Variants in RABGAP1 observed in about 807,000 individuals in gnomAD.
The protein encoded by RABGAP1 is rab GTPase-activating protein 1.
A neutral mutation model predicts 137.6 loss-of-function variants in RABGAP1; 23 were observed. The observed-to-expected ratio is 0.17, with a 90% CI of 0.12 to 0.24. The LOEUF (loss-of-function observed/expected upper bound fraction) is 0.24, where lower values mean the gene tolerates loss of function less well. Ranked by LOEUF, RABGAP1 falls within the 10% of genes least tolerant of loss-of-function variation. The probability of loss-of-function intolerance (pLI) is 1.00; values close to 1 mark genes in which losing one functional copy is unlikely to be tolerated. For synonymous variants in RABGAP1, 451 were observed against 450.7 expected (o/e 1.00, Z -0.01); for missense variants, 906 against 1,275.8 (o/e 0.71, Z 4.42).
rs570097662 is a variant in RABGAP1, at chr9:123,046,717, G to T, written c.1795-18631G>T. 1.4e-3 allele frequency among the ~76,000 whole-genome samples: 209 copies of T among 152,300 alleles called. 1 individual carries two copies. Among genetic ancestry groups the T allele is most frequent in the Middle Eastern group, 0.014 (4 of 294 alleles). On this transcript the variant is annotated intron_variant, in intron 13 of 25. Coordinates refer to ENST00000373647, the MANE Select transcript of RABGAP1 (RefSeq NM_012197.4). The stretch of plus-strand genomic sequence containing the variant: ...ATAGGGTAGTATGGATGAAGCAGAA[G>T]TTTTAAGTTGAGATATAAGGGAGAA...
At chr9:122,940,353 G>C (rs994539989), upstream of RABGAP1, 5 of 152,076 alleles carry the variant, frequency 3.3e-5, no homozygotes, top group Admixed American at 2.0e-4. Flanking sequence ...GTCCATTTCT[G>C]TCCTCTTGTG....
chr9:122,966,454 C>CG (rs1564365318), intron 2 of RABGAP1, among the ~76,000 whole-genome samples: 1 of 151,892 alleles, frequency 6.6e-6, no homozygotes, highest in Non-Finnish European at 1.5e-5. Flanking sequence ...ACCCGGGAGG[C>CG]GGAGGTTGCA....
intron 10 of RABGAP1, among the ~76,000 whole-genome samples, chr9:123,000,717 T>C (rs1837280460): frequency 6.6e-6 from 1 of 152,176 alleles, no homozygotes; most frequent in African/African-American, 2.4e-5. Flanking sequence ...ATTTGCCATG[T>C]TGTCCAGGCT....
intron 11 of RABGAP1, among the ~76,000 whole-genome samples, chr9:123,011,893 TG>T (rs2030840991): frequency 6.6e-6 from 1 of 152,192 alleles, no homozygotes; most frequent in South Asian, 2.1e-4. Context: ...AGGTGGAGGT[TG>T]CAGTGAGCCA....
At chr9:122,972,152 A>T (rs753381487) in intron 2 of RABGAP1, among the ~76,000 whole-genome samples, 1 of 152,068 alleles carries the variant, frequency 6.6e-6, no homozygotes. Context: ...ACCTCTGCCC[A>T]TTGTAGTGGC....
chr9:123,008,645 A>G (rs1332608184), intron 10 of RABGAP1, among the ~76,000 whole-genome samples: 1 of 152,158 alleles, frequency 6.6e-6, no homozygotes, highest in South Asian at 2.1e-4. Context: ...CAAAAATTTT[A>G]AATTCTCTTT....
At chr9:123,020,728 C>G (rs1474848295) in intron 13 of RABGAP1, among the ~76,000 whole-genome samples, 1 of 152,064 alleles carries the variant, frequency 6.6e-6, no homozygotes, top group Non-Finnish European at 1.5e-5. Flanking sequence ...CATTTTTAGT[C>G]AAACAACTTG....
At chr9:123,102,225 C>G (rs901219854) in intron 25 of RABGAP1, among the ~76,000 whole-genome samples, 3 of 152,182 alleles carry the variant, frequency 2.0e-5, no homozygotes, top group African/African-American at 7.2e-5. Context: ...CTTCCAGTTC[C>G]CACCACTTAA....
the RABGAP1 span, among the ~76,000 whole-genome samples, chr9:122,935,451 C>T: frequency 6.6e-6 from 1 of 152,102 alleles, no homozygotes; most frequent in Non-Finnish European, 1.5e-5. Flanking sequence ...GATTCTCCTG[C>T]CTCAGCCTCC....
intron 13 of RABGAP1, among the ~76,000 whole-genome samples, chr9:123,045,615 C>T (rs2033169703): frequency 6.6e-6 from 1 of 152,152 alleles, no homozygotes; most frequent in Non-Finnish European, 1.5e-5. Flanking sequence ...GAAGGATCTT[C>T]ATCTTTGAAT....
chr9:123,045,514 T>C (rs2033165723), intron 13 of RABGAP1, among the ~76,000 whole-genome samples: 1 of 152,220 alleles, frequency 6.6e-6, no homozygotes, highest in Non-Finnish European at 1.5e-5. Context: ...ATGTGTATTG[T>C]AGCCTATAGA....
At chr9:123,052,907 TCCAG>T (rs2033549568) in intron 13 of RABGAP1, among the ~76,000 whole-genome samples, 1 of 152,206 alleles carries the variant, frequency 6.6e-6, no homozygotes, top group African/African-American at 2.4e-5. Context: ...GCCACTGCAC[TCCAG>T]CCTGGGCAAC....
chr9:122,998,797 G>C, intron 10 of RABGAP1, 31 bp downstream of exon 10: 1 of 1,411,570 alleles, frequency 7.1e-7, no homozygotes, highest in Non-Finnish European at 9.7e-7. Context: ...TATAGAAGGG[G>C]GAATAAGAAA....
At chr9:123,084,556 T>C (rs1164025630) in intron 19 of RABGAP1, among the ~76,000 whole-genome samples, 9 of 152,230 alleles carry the variant, frequency 5.9e-5, no homozygotes, top group Non-Finnish European at 1.2e-4. Context: ...AGCCAAACTT[T>C]GAAAGCAGCT....
chr9:122,986,792 TTATTAAA>T (rs1380836219), intron 4 of RABGAP1, among the ~76,000 whole-genome samples: 1 of 152,144 alleles, frequency 6.6e-6, no homozygotes, highest in Admixed American at 6.5e-5. Context: ...CAAAAATTTA[TTATTAAA>T]TATTAACTAT....
chr9:122,965,791 G>A (rs933135322), intron 2 of RABGAP1, among the ~76,000 whole-genome samples: 1 of 152,204 alleles, frequency 6.6e-6, no homozygotes, highest in African/African-American at 2.4e-5. Flanking sequence ...TGAATGAATT[G>A]TGTGGTTTAT....
intron 12 of RABGAP1, among the ~76,000 whole-genome samples, chr9:123,015,896 A>T (rs1039444016): frequency 7.2e-5 from 11 of 152,174 alleles, no homozygotes; most frequent in African/African-American, 2.7e-4. Context: ...TAAATAAGAA[A>T]AGTATCTTTT....
chr9:123,019,388 C>T (rs944450035), intron 12 of RABGAP1, among the ~76,000 whole-genome samples: 5 of 151,702 alleles, frequency 3.3e-5, no homozygotes, highest in Admixed American at 6.6e-5. Context: ...TGCAGTGGTG[C>T]GGTCTCTCAC....
At chr9:123,022,523 C>CAAAAAAAAAAAAAAATAAATAA (rs1554719431) in intron 13 of RABGAP1, among the ~76,000 whole-genome samples, 2 of 152,030 alleles carry the variant, frequency 1.3e-5, no homozygotes, top group Admixed American at 6.6e-5. Context: ...TCTCCTGCCG[C>CAAAAAAAAAAAAAAATAAATAA]AGCCCCCTGA....
Sources: allele counts gnomAD v4.1 joint callset (sites outside exome capture counted in the v4.1 genomes callset), GRCh38; gene constraint gnomAD v4.1.1; transcripts MANE v1.5; gene names NCBI Gene and HGNC (gene_info 2026-07-23, HGNC 2026-07-21).